PTPRG: variants seen among roughly 807,000 people sequenced by gnomAD.
PTPRG encodes the protein receptor-type tyrosine-protein phosphatase gamma.
A neutral mutation model predicts 165.3 loss-of-function variants in PTPRG; 102 were observed. That is an observed-to-expected ratio of 0.62 (90% CI 0.53 to 0.73). The LOEUF (loss-of-function observed/expected upper bound fraction) is 0.73, where lower values mean the gene tolerates loss of function less well. Among genes scored for constraint, PTPRG ranks in the 30% least tolerant of loss-of-function variants. PTPRG has a pLI of 0.00. For synonymous variants in PTPRG, 675 were observed against 669.5 expected, an observed-to-expected ratio of 1.01 and a Z score of -0.13; for missense variants, 1,866 against 1,861.4, an observed-to-expected ratio of 1.00 and a Z score of -0.05.
In PTPRG at chr3:62,210,796, AT is replaced by A. The variant is rs1379540171; in HGVS notation, c.2155+6853del. ...TCTTCCTTAGGATTTTCTTTATAAC[AT>A]TTTTTTCTAGCTTACTTTATTGTAA... is the stretch of plus-strand genomic sequence containing the variant. On this transcript the variant is annotated intron_variant, in intron 12 of 29. Coordinates refer to ENST00000474889, the MANE Select transcript of PTPRG (RefSeq NM_002841.4). This position sits in a 1 kb window ranked among gnomAD's most constrained non-coding sequence, Gnocchi z 4.1. Among the ~76,000 whole-genome samples the A allele has an allele frequency of 1.3e-5, 2 of 152,034 alleles. No individual in the cohort carries two copies. Among genetic ancestry groups the A allele is most frequent in the African/African-American group, 2.4e-5 (1 of 41,398 alleles).
intron 2 of PTPRG, 45 bp downstream of exon 2, chr3:61,749,027 T>A (rs1286263910): frequency 6.8e-7 from 1 of 1,465,432 alleles, no homozygotes; most frequent in Non-Finnish European, 9.6e-7. Context: ...CCAGTTAACA[T>A]CCCATTCAAC....
intron 1 of PTPRG, among the ~76,000 whole-genome samples, chr3:61,587,774 AGCCTCTTGAGTAGCCAGG>A (rs1700469449): frequency 6.6e-6 from 1 of 152,056 alleles, no homozygotes; most frequent in Admixed American, 6.6e-5. Flanking sequence ...CTCCCACCTC[AGCCTCTTGAGTAGCCAGG>A]ACTACAGGTG....
At chr3:61,985,887 T>G (rs2040747347) in intron 2 of PTPRG, among the ~76,000 whole-genome samples, 1 of 152,176 alleles carries the variant, frequency 6.6e-6, no homozygotes, top group South Asian at 2.1e-4. Context: ...GCACATGGAT[T>G]CTTTCATGGA....
chr3:61,831,420 A>G (rs1048592335), intron 2 of PTPRG, among the ~76,000 whole-genome samples: 2 of 152,230 alleles, frequency 1.3e-5, no homozygotes, highest in African/African-American at 4.8e-5. Flanking sequence ...TACCACACAC[A>G]GGAAGGACCT....
At chr3:62,092,439 GAAAAAAAAAAA>G (rs55955359) in intron 5 of PTPRG, among the ~76,000 whole-genome samples, 1 of 89,436 alleles carries the variant, frequency 1.1e-5, no homozygotes, top group Admixed American at 1.3e-4. Context: ...GAGTCCATCT[GAAAAAAAAAAA>G]AAAAAAAAAG....
intron 1 of PTPRG, among the ~76,000 whole-genome samples, chr3:61,611,397 T>C (rs921626680): frequency 2.6e-5 from 4 of 152,190 alleles, no homozygotes; most frequent in African/African-American, 9.6e-5. Flanking sequence ...TTCATTTTTT[T>C]CCCACTCAAT....
rs1022167617 is a variant in PTPRG at position 62,219,944 on chromosome 3, A to G, written c.2288+961A>G. 6.6e-6 allele frequency among the ~76,000 whole-genome samples: 1 copy of G among 152,260 alleles called. No homozygotes were observed. The highest frequency in any genetic ancestry group is 2.4e-5 in the African/African-American group (1 of 41,478). Reference sequence around the variant, plus strand: ...TAACTGGATAATGGAGAAAGCTTAAATCTGGAAAGGGGAGGGGCCCATGGG... The same window carrying G: ...TAACTGGATAATGGAGAAAGCTTAAGTCTGGAAAGGGGAGGGGCCCATGGG... On this transcript the variant is annotated intron_variant, in intron 13 of 29. Transcript: ENST00000474889. The surrounding 1 kb of genome is among the most constrained non-coding windows in gnomAD (Gnocchi z 4.5).
chr3:61,971,868 G>C (rs2040391854), intron 2 of PTPRG, among the ~76,000 whole-genome samples: 1 of 152,006 alleles, frequency 6.6e-6, no homozygotes, highest in Admixed American at 6.5e-5. Flanking sequence ...CTTCAAGGAA[G>C]AAAAAACAAA....
In PTPRG at chr3:62,124,664, C is replaced by G. The variant is rs1356922859; in HGVS notation, c.616-7938C>G. The G allele has an allele frequency of 7.0e-6, 5 of 717,958 alleles. No homozygotes were observed. In the East Asian group the frequency reaches 1.3e-4, roughly 18 times the overall value. The allele number at this position is 717,958 out of a possible 1,614,324, so 44.5% of individuals were successfully genotyped here. On this transcript the variant is annotated intron_variant, in intron 5 of 29. Transcript: ENST00000474889. ...GGAGCTGGCTGTCCTGAAGCTCAGG[C>G]CACCGCTGCCGCCTGCTGAGCTAGC...
At chr3:62,163,196 A>G (rs567909113) in intron 7 of PTPRG, among the ~76,000 whole-genome samples, 1 of 152,318 alleles carries the variant, frequency 6.6e-6, no homozygotes, top group Admixed American at 6.5e-5. Flanking sequence ...ATTGAGGATT[A>G]CAATTCCACC....
chr3:61,718,452 C>T (rs543641760), intron 1 of PTPRG, among the ~76,000 whole-genome samples: 89 of 152,036 alleles, frequency 5.9e-4, no homozygotes, highest in Admixed American at 9.2e-4. Context: ...TTGGCTTCAG[C>T]GGGTTAAAAG....
At chr3:61,913,300 A>C (rs1352349815) in intron 2 of PTPRG, among the ~76,000 whole-genome samples, 1 of 152,002 alleles carries the variant, frequency 6.6e-6, no homozygotes, top group African/African-American at 2.4e-5. Context: ...GCTCACTGCA[A>C]GCTCCGCCTC....
At chr3:62,209,855 T>C (rs944772446) in intron 12 of PTPRG, among the ~76,000 whole-genome samples, 1 of 152,118 alleles carries the variant, frequency 6.6e-6, no homozygotes, top group Non-Finnish European at 1.5e-5. Flanking sequence ...TAAGAACAAT[T>C]AGATTTCCGG....
chr3:61,858,536 A>G (rs1468204373), intron 2 of PTPRG, among the ~76,000 whole-genome samples: 2 of 152,214 alleles, frequency 1.3e-5, no homozygotes, highest in African/African-American at 4.8e-5. Flanking sequence ...TTTGATGTCA[A>G]TTATTTTTTC....
chr3:61,722,257 G>A (rs188724662), intron 1 of PTPRG, among the ~76,000 whole-genome samples: 3 of 150,964 alleles, frequency 2.0e-5, no homozygotes, highest in Non-Finnish European at 4.4e-5. Context: ...GCACAAAAGA[G>A]GGCCAAACTA....
chr3:61,676,987 C>G (rs573173225), intron 1 of PTPRG, among the ~76,000 whole-genome samples: 1 of 152,170 alleles, frequency 6.6e-6, no homozygotes, highest in East Asian at 1.9e-4. Context: ...TGGCTCAGGC[C>G]TGTAATCCCA....
intron 6 of PTPRG, among the ~76,000 whole-genome samples, chr3:62,138,714 C>CAAAAAAAAAAAAAAAAAAAAA (rs563632840): frequency 2.2e-5 from 2 of 91,388 alleles, no homozygotes; most frequent in Admixed American, 1.4e-4. Flanking sequence ...GGCAAAGCTC[C>CAAAAAAAAAAAAAAAAAAAAA]AAAAAAAAAA....
At chr3:61,739,100 G>C (rs1386445788) in intron 1 of PTPRG, 3 of 140,920 alleles carry the variant, frequency 2.1e-5, no homozygotes, top group Non-Finnish European at 3.0e-5. Context: ...GATGGGACTT[G>C]GCCTATTTGA....
intron 28 of PTPRG, among the ~76,000 whole-genome samples, chr3:62,285,325 TTTGGCTGC>T (rs1223555925): frequency 6.6e-6 from 1 of 152,044 alleles, no homozygotes; most frequent in Admixed American, 6.6e-5. Flanking sequence ...TCAAAGTCAT[TTTGGCTGC>T]TTAAATTCTT....
Sources: gnomAD v4.1 joint callset for allele counts (sites outside exome capture counted in the v4.1 genomes callset) on GRCh38, gnomAD v4.1.1 for gene constraint, Gnocchi (gnomAD v3.1) non-coding constraint, MANE v1.5 for transcripts, NCBI Gene and HGNC (gene_info 2026-07-23, HGNC 2026-07-21) for gene names.